XRN1: variants seen among roughly 807,000 people sequenced by gnomAD.
XRN1 encodes the protein strand-exchange protein 1 homolog.
A neutral mutation model predicts 222.3 loss-of-function variants in XRN1; 67 were observed. The observed-to-expected ratio is 0.30, with a 90% CI of 0.25 to 0.37. XRN1 has a LOEUF of 0.37. Among genes scored for constraint, XRN1 ranks in the 10% least tolerant of loss-of-function variants. The pLI is 1.00. For missense variants in XRN1, 1,707 were observed against 2,000.2 expected, an observed-to-expected ratio of 0.85 and a Z score of 2.80; for synonymous variants, 643 against 652.4, an observed-to-expected ratio of 0.99 and a Z score of 0.22.
At chr3:142,342,151 A>G (rs2066011616) in intron 33 of XRN1, among the ~76,000 whole-genome samples, 1 of 152,216 alleles carries the variant, frequency 6.6e-6, no homozygotes, top group South Asian at 2.1e-4. Context: ...GCATTTTTAT[A>G]TGTTAACGGC....
At chr3:142,346,410 T>C (rs192203999) in intron 33 of XRN1, among the ~76,000 whole-genome samples, 3 of 152,286 alleles carry the variant, frequency 2.0e-5, no homozygotes, top group Admixed American at 6.5e-5. Context: ...GTGTAAATAG[T>C]TGTCATACTG....
intron 19 of XRN1, among the ~76,000 whole-genome samples, chr3:142,397,673 T>A (rs2067980245): frequency 6.6e-6 from 1 of 152,188 alleles, no homozygotes; most frequent in Non-Finnish European, 1.5e-5. Context: ...TTCATTCAAA[T>A]TTTAAAAGCA....
chr3:142,400,628 A>G, intron 18 of XRN1, 81 bp from the exon 19 acceptor site: 1 of 1,116,580 alleles, frequency 9.0e-7, no homozygotes, highest in African/African-American at 1.6e-5. Flanking sequence ...TCCAATCTCC[A>G]TTTAAGTTTT....
chr3:142,330,451 C>T lies in XRN1; in HGVS notation c.4223-836G>A, dbSNP rs117148987. On this transcript the variant is annotated intron_variant, in intron 36 of 40. Transcript: ENST00000392981. ...ACTCACTAATAGAACAAAAGCATAC[C>T]TCATTGAAGAATTAATCCAAACTTC... Among the ~76,000 whole-genome samples the T allele has an allele frequency of 7.4e-4, 112 of 152,110 alleles. No individual in the cohort carries two copies. The East Asian group carries it at 0.017, about 24-fold the overall frequency.
intron 36 of XRN1, 52 bp downstream of exon 36, chr3:142,332,323 T>A (rs2107920017): frequency 7.6e-7 from 1 of 1,309,186 alleles, no homozygotes; most frequent in Non-Finnish European, 1.0e-6. Flanking sequence ...AAGAACCAAA[T>A]GAATTGAATT....
At chr3:142,425,838 C>G (rs186854959) in intron 3 of XRN1, among the ~76,000 whole-genome samples, 143 of 151,912 alleles carry the variant, frequency 9.4e-4, no homozygotes, top group Middle Eastern at 3.4e-3. Context: ...CATGTAAGGG[C>G]AGAGTTTGAG....
At chr3:142,431,291 A>G (rs2069512182) in intron 2 of XRN1, among the ~76,000 whole-genome samples, 1 of 152,214 alleles carries the variant, frequency 6.6e-6, no homozygotes, top group South Asian at 2.1e-4. Flanking sequence ...GTACAGATCT[A>G]GCAACTGCAC....
intron 3 of XRN1, 91 bp from the exon 4 acceptor site, chr3:142,425,629 G>T (rs921558157): frequency 1.0e-5 from 11 of 1,049,652 alleles, no homozygotes; most frequent in Middle Eastern, 6.1e-4. Flanking sequence ...TGAGTACGCC[G>T]GGAATAGCTA....
chr3:142,424,414 T>A (rs2069165997), intron 5 of XRN1, among the ~76,000 whole-genome samples: 1 of 152,134 alleles, frequency 6.6e-6, no homozygotes, highest in Admixed American at 6.5e-5. Context: ...AGTATTCTAA[T>A]ACCCCAAGTA....
At position 142,418,542 on chromosome 3, in the gene XRN1, T is replaced by C. The variant is rs758988795; in HGVS notation, c.1308A>G (p.Thr436=). ...CAACCCCCATCTTCGTCATGTAATA[T>C]GTTCTTTTATATTGTCTAAACTCAG... ...FETEFRQYKR[T]YYMTKMGVDV... The change falls in exon 12 of 41, where the codon ACA becomes ACG. Residue 436 remains threonine, a synonymous_variant. Transcript: ENST00000392981. 40 of 1,612,034 alleles carry C rather than the reference T, an allele frequency of 2.5e-5. No homozygotes were observed. Among genetic ancestry groups the C allele is most frequent in the Admixed American group, 3.4e-5 (2 of 59,652 alleles).
intron 24 of XRN1, 64 bp downstream of exon 24, chr3:142,376,415 G>T: frequency 1.7e-6 from 2 of 1,148,182 alleles, no homozygotes; most frequent in Non-Finnish European, 2.6e-6. Flanking sequence ...GAAATATTAA[G>T]CATTTAATCT....
intron 13 of XRN1, 103 bp downstream of exon 13, chr3:142,417,037 A>G (rs2068815959): frequency 1.5e-6 from 1 of 682,532 alleles, no homozygotes; most frequent in Admixed American, 3.9e-5. Context: ...AAAAAAAAAA[A>G]TTACCATAAG....
At chr3:142,355,032 C>T (rs1339753574) in intron 32 of XRN1, among the ~76,000 whole-genome samples, 1 of 146,198 alleles carries the variant, frequency 6.8e-6, no homozygotes, top group Non-Finnish European at 1.5e-5. Context: ...ATTGGGGACA[C>T]ATGGTCATAA....
chr3:142,348,341 T>C (rs1226929166), intron 32 of XRN1, among the ~76,000 whole-genome samples: 3 of 152,186 alleles, frequency 2.0e-5, no homozygotes, highest in Non-Finnish European at 4.4e-5. Flanking sequence ...TTTTTATTAA[T>C]ATTTATATTG....
intron 29 of XRN1, among the ~76,000 whole-genome samples, chr3:142,364,217 G>T (rs779800170): frequency 2.6e-5 from 4 of 152,192 alleles, no homozygotes; most frequent in African/African-American, 9.6e-5. Context: ...CTAGTGGCCC[G>T]TCTGTTCTTC....
intron 20 of XRN1, among the ~76,000 whole-genome samples, chr3:142,386,083 T>C (rs2067488071): frequency 6.6e-6 from 1 of 152,006 alleles, no homozygotes. Context: ...CATGTCACCT[T>C]AGCCAGAAAC....
In XRN1 at chr3:142,371,333, T is replaced by C. The variant is rs1234215821; in HGVS notation, c.2979-5A>G. ...TAACTAAATAGTTCTGGAGCTCTGG[T>C]CAAACAAACAAAAATATTGTCTTAA... is the stretch of plus-strand genomic sequence containing the variant. On this transcript the variant is annotated splice_region_variant and splice_polypyrimidine_tract_variant and intron_variant, in intron 25 of 40. Transcript: ENST00000392981. 3 of 1,600,228 alleles carry C rather than the reference T, an allele frequency of 1.9e-6. No individual in the cohort carries two copies. The African/African-American group carries it at 4.0e-5, about 22-fold the overall frequency.
At chr3:142,384,143 G>A (rs1186687048) in intron 21 of XRN1, among the ~76,000 whole-genome samples, 2 of 151,952 alleles carry the variant, frequency 1.3e-5, no homozygotes, top group Non-Finnish European at 2.9e-5. Context: ...GTGCTGGCGG[G>A]CACCTGTAGT....
chr3:142,328,622 A>G (rs1164780681), intron 37 of XRN1, among the ~76,000 whole-genome samples: 2 of 148,058 alleles, frequency 1.4e-5, no homozygotes, highest in African/African-American at 4.9e-5. Flanking sequence ...CTGTTGGATG[A>G]AATGTTCTAC....
Sources: allele counts gnomAD v4.1 joint callset (sites outside exome capture counted in the v4.1 genomes callset), GRCh38; gene constraint gnomAD v4.1.1; transcripts MANE v1.5; gene names NCBI Gene and HGNC (gene_info 2026-07-23, HGNC 2026-07-21).